Variants in SGSM1 observed in about 807,000 individuals in gnomAD.
The protein encoded by SGSM1 is small G protein signaling modulator 1, also known as RUN and TBC1 domain containing 2.
In SGSM1, 73 loss-of-function variants were observed where a neutral mutation model predicts 133.8. The observed-to-expected ratio is 0.55, with a 90% CI of 0.45 to 0.66. SGSM1 has a LOEUF of 0.66. Among genes scored for constraint, SGSM1 ranks in the 30% least tolerant of loss-of-function variants. The pLI, the probability that SGSM1 is intolerant of heterozygous loss-of-function variation, is 0.00. For missense variants in SGSM1, 1,213 were observed against 1,448.1 expected, an observed-to-expected ratio of 0.84 and a Z score of 2.64; for synonymous variants, 563 against 573.0, an observed-to-expected ratio of 0.98 and a Z score of 0.25.
chr22:24,854,241 A>G (rs745815297), intron 5 of SGSM1, among the ~76,000 whole-genome samples: 1 of 152,176 alleles, frequency 6.6e-6, no homozygotes, highest in African/African-American at 2.4e-5. Flanking sequence ...TTAGTTATCA[A>G]GGCAGGAAAG....
chr22:24,898,197 C>T lies in SGSM1; in HGVS notation c.2248C>T (p.Arg750Ter), dbSNP rs1383985763. The change falls in exon 19 of 25, where the codon CGA (arginine) becomes TGA (stop). Residue 750 changes from arginine to a stop codon, truncating the protein, a stop_gained. Coordinates refer to ENST00000400358, the MANE Select transcript of SGSM1 (RefSeq NM_001098497.3). LOFTEE classifies it high-confidence loss of function. Reference protein sequence around the residue: ...DAQRNTPTVLRPRDGSVDDRQ... With the variant: ...DAQRNTPTVL ...CCAGCGGAACACCCCCACGGTGCTG[C>T]GACCTAGGGATGGCAGCGTGGATGA... 4 of 1,613,738 alleles carry T rather than the reference C, an allele frequency of 2.5e-6. No homozygotes were observed. Among genetic ancestry groups the T allele is most frequent in the African/African-American group, 1.3e-5 (1 of 75,028 alleles).
rs377655293 is a variant in SGSM1 at position 24,868,697 on chromosome 22, C to T, written c.1159-26C>T. The T allele has an allele frequency of 5.0e-5, 81 of 1,613,092 alleles. 1 individual carries two copies. Among genetic ancestry groups the T allele is most frequent in the Admixed American group, 8.3e-5 (5 of 59,950 alleles). Reference sequence around the variant, plus strand: ...TGTGGGGACAGATGTGTCCCAAGGACCTTGTTTTGGGACATGTTTTTGCAG... The same window carrying T: ...TGTGGGGACAGATGTGTCCCAAGGATCTTGTTTTGGGACATGTTTTTGCAG... On this transcript the variant is annotated intron_variant, in intron 11 of 24. Transcript: ENST00000400358.
intron 9 of SGSM1, among the ~76,000 whole-genome samples, chr22:24,865,913 T>G: frequency 6.6e-6 from 1 of 152,148 alleles, no homozygotes; most frequent in South Asian, 2.1e-4. Flanking sequence ...GCGGCACTAG[T>G]ACCCCGGCCT....
chr22:24,847,366 T>G (rs1250828054), intron 3 of SGSM1, among the ~76,000 whole-genome samples: 2 of 152,214 alleles, frequency 1.3e-5, no homozygotes, highest in African/African-American at 2.4e-5. Flanking sequence ...TCATGAGTTT[T>G]GTCACAAGAA....
At chr22:24,834,461 G>T (rs139640) in intron 2 of SGSM1, among the ~76,000 whole-genome samples, 53,170 of 152,100 alleles carry the variant, frequency 0.35, 9,733 homozygotes, top group African/African-American at 0.45. Context: ...CATGCTACAA[G>T]GGCAGAGTTT....
chr22:24,860,906 AAAAAAAAAAAAAAAAAATAT>A (rs1931086844), intron 9 of SGSM1, among the ~76,000 whole-genome samples: 1 of 86,474 alleles, frequency 1.2e-5, no homozygotes, highest in Non-Finnish European at 2.1e-5. Flanking sequence ...TTAAAAAAAA[AAAAAAAAAAAAAAAAAATAT>A]ATATATATAT....
chr22:24,814,467 C>T (rs1257885842), intron 2 of SGSM1, among the ~76,000 whole-genome samples: 2 of 151,966 alleles, frequency 1.3e-5, no homozygotes, highest in Admixed American at 6.5e-5. Context: ...GGTCTGGCTG[C>T]ACAATCCTCC....
intron 4 of SGSM1, among the ~76,000 whole-genome samples, chr22:24,848,445 A>G (rs1930276467): frequency 6.6e-6 from 1 of 152,090 alleles, no homozygotes; most frequent in South Asian, 2.1e-4. Flanking sequence ...TCTCATACTG[A>G]AGTAACCTTT....
At chr22:24,908,038 T>C (rs1569174800) in intron 21 of SGSM1, among the ~76,000 whole-genome samples, 2 of 151,696 alleles carry the variant, frequency 1.3e-5, no homozygotes, top group Non-Finnish European at 1.5e-5. Context: ...TGGAATAGAA[T>C]TGAGAGCCCA....
intron 18 of SGSM1, among the ~76,000 whole-genome samples, chr22:24,896,503 T>G (rs1429487836): frequency 6.6e-6 from 1 of 152,152 alleles, no homozygotes; most frequent in Non-Finnish European, 1.5e-5. Context: ...CAAAAAAATC[T>G]CTAAAATGTA....
intron 2 of SGSM1, among the ~76,000 whole-genome samples, chr22:24,825,999 C>T (rs1222171990): frequency 6.7e-6 from 1 of 149,992 alleles, no homozygotes; most frequent in Non-Finnish European, 1.5e-5. Context: ...TTTAGACCTA[C>T]TGTGTGCCAC....
In SGSM1 at chr22:24,893,597, C is replaced by T. The variant is rs776731685; in HGVS notation, c.1937C>T (p.Ser646Leu). Residue 646 changes from serine to leucine, a missense_variant, in exon 17 of 25, where the codon TCA becomes TTA. Ser to Leu is a moderately radical substitution (Grantham distance 145). Coordinates refer to ENST00000400358, the MANE Select transcript of SGSM1 (RefSeq NM_001098497.3). Reference protein sequence around the residue: ...SHLHRMLHRDSTISNESSQSC... With the variant: ...SHLHRMLHRDLTISNESSQSC... ...CTGCACCGGATGTTGCACAGGGACTCAACCATCAGCAATGAGGTGATGGGC... is the reference window on the plus strand; with the variant it reads ...CTGCACCGGATGTTGCACAGGGACTTAACCATCAGCAATGAGGTGATGGGC... 4 of 1,575,376 alleles carry T rather than the reference C, an allele frequency of 2.5e-6. No homozygotes were observed. In the Admixed American group the frequency reaches 5.4e-5, roughly 21 times the overall value.
At chr22:24,889,996 G>T (rs182354817) in intron 16 of SGSM1, among the ~76,000 whole-genome samples, 1,530 of 137,540 alleles carry the variant, frequency 0.011, 15 homozygotes, top group South Asian at 0.043. Context: ...TTGCTCTGTC[G>T]CCCAGGCTGG....
Position 24,884,134 on chromosome 22 carries a change from T to A in SGSM1, c.1577T>A (p.Leu526Ter). 1.2e-6 allele frequency: 2 copies of A among 1,613,898 alleles called. No homozygotes were observed. The highest frequency in any genetic ancestry group is 1.7e-6 in the Non-Finnish European group (2 of 1,179,862). ...AATCACATGATCGTGTCTCCAGACT[T>A]GCCCTGCGATGCTGGACAGGGACTG... ...LVNHMIVSPD[L>*]PCDAGQGLTA... The change falls in exon 15 of 25, where the codon TTG (leucine) becomes TAG (stop). Residue 526 changes from leucine (L) to a stop codon, truncating the protein, a stop_gained. Transcript: ENST00000400358. LOFTEE classifies it high-confidence loss of function.
chr22:24,847,590 G>A lies in SGSM1; in HGVS notation c.140-44G>A, dbSNP rs73879147. The A allele has an allele frequency of 2.8e-3, 4,550 of 1,598,682 alleles. 129 individuals are homozygous for A. In the African/African-American group the frequency reaches 0.054, roughly 19 times the overall value. ...GCTCTGGGACATGCTGGGTGCTGGA[G>A]TGCATGGGCAGGGCAGGGTCTGCTG... On this transcript the variant is annotated intron_variant, in intron 3 of 24. Coordinates refer to ENST00000400358, the MANE Select transcript of SGSM1 (RefSeq NM_001098497.3).
chr22:24,855,700 CT>C lies in SGSM1; in HGVS notation c.801+21del, dbSNP rs757383540. 3.3e-5 allele frequency: 54 copies of C among 1,613,824 alleles called. No individual in the cohort carries two copies. The African/African-American group carries it at 6.4e-4, about 19-fold the overall frequency. ...CAGCCGGTGAGAGGTTATCTTGGGC[CT>C]AGATCTTGCACTGAGGGTCTCACTC... On this transcript the variant is annotated intron_variant, in intron 8 of 24. Transcript: ENST00000400358.
chr22:24,889,411 C>CTTTTTT (rs535610385), intron 16 of SGSM1, among the ~76,000 whole-genome samples: 2 of 136,854 alleles, frequency 1.5e-5, no homozygotes, highest in Non-Finnish European at 3.2e-5. Context: ...AAATGTATTT[C>CTTTTTT]TTTTTTTTTT....
At chr22:24,840,436 C>A (rs902705700) in intron 2 of SGSM1, among the ~76,000 whole-genome samples, 2 of 152,160 alleles carry the variant, frequency 1.3e-5, no homozygotes, top group Admixed American at 1.3e-4. Context: ...CTCCACCTCC[C>A]GGGTTCAAGC....
At chr22:24,907,705 A>C (rs1009567155) in intron 21 of SGSM1, among the ~76,000 whole-genome samples, 1 of 151,886 alleles carries the variant, frequency 6.6e-6, no homozygotes, top group Non-Finnish European at 1.5e-5. Context: ...TGGGCAGATC[A>C]CGAGGTCAGG....
Sources: allele counts gnomAD v4.1 joint callset (sites outside exome capture counted in the v4.1 genomes callset), GRCh38; gene constraint gnomAD v4.1.1; transcripts MANE v1.5; gene names NCBI Gene and HGNC (gene_info 2026-07-23, HGNC 2026-07-21).